The following STX8 variants were observed in gnomAD, a reference collection of about 807,000 sequenced individuals.
STX8 encodes syntaxin 8, also known as syntaxin-8.
In STX8, 23 loss-of-function variants were observed where a neutral mutation model predicts 37.5. The observed-to-expected ratio is 0.61, with a 90% CI of 0.44 to 0.87. The LOEUF (loss-of-function observed/expected upper bound fraction) is 0.87, where lower values mean the gene tolerates loss of function less well. Among genes scored for constraint, STX8 ranks in the 40% least tolerant of loss-of-function variants. The probability of loss-of-function intolerance (pLI) is 0.00; values close to 1 mark genes in which losing one functional copy is unlikely to be tolerated. For synonymous variants in STX8, 115 were observed against 99.1 expected, an observed-to-expected ratio of 1.16 and a Z score of -0.95; for missense variants, 313 against 284.7, an observed-to-expected ratio of 1.10 and a Z score of -0.71.
intron 6 of STX8, among the ~76,000 whole-genome samples, chr17:9,474,992 A>C (rs928670132): frequency 5.3e-5 from 8 of 152,078 alleles, no homozygotes; most frequent in African/African-American, 1.9e-4. Context: ...AACAAACAAA[A>C]AAAACTTGTT....
chr17:9,449,820 G>A (rs1052876308), intron 6 of STX8, among the ~76,000 whole-genome samples: 2 of 151,824 alleles, frequency 1.3e-5, no homozygotes, highest in African/African-American at 4.9e-5. Flanking sequence ...GGGTCTACCT[G>A]TAAAGGGGTT....
intron 7 of STX8, among the ~76,000 whole-genome samples, chr17:9,373,656 G>A (rs992498128): frequency 3.7e-4 from 57 of 152,278 alleles, no homozygotes; most frequent in African/African-American, 1.3e-3. Flanking sequence ...GTTAAAAAAA[G>A]TGGCTGGGCG....
chr17:9,270,545 T>C (rs188276958), intron 7 of STX8, among the ~76,000 whole-genome samples: 4 of 152,228 alleles, frequency 2.6e-5, no homozygotes, highest in East Asian at 3.9e-4. Flanking sequence ...TGAGCAACCG[T>C]GCCCAGTCTC....
At chr17:9,486,919 C>T (rs1339333906) in intron 6 of STX8, among the ~76,000 whole-genome samples, 1 of 152,110 alleles carries the variant, frequency 6.6e-6, no homozygotes, top group Non-Finnish European at 1.5e-5. Flanking sequence ...CCCTCCCACC[C>T]ATAGAGGCCA....
intron 6 of STX8, among the ~76,000 whole-genome samples, chr17:9,420,932 G>A (rs1913401488): frequency 1.3e-5 from 2 of 152,274 alleles, no homozygotes; most frequent in South Asian, 4.2e-4. Flanking sequence ...GGGTGGAAAT[G>A]GAGATGAGTC....
At chr17:9,458,253 C>A (rs1905241035) in intron 6 of STX8, among the ~76,000 whole-genome samples, 2 of 151,894 alleles carry the variant, frequency 1.3e-5, no homozygotes, top group African/African-American at 4.9e-5. Context: ...GGGCTCACGC[C>A]ATTCTCCTGC....
chr17:9,561,664 C>CA (rs11353116), intron 2 of STX8, among the ~76,000 whole-genome samples: 209 of 66,642 alleles, frequency 3.1e-3, no homozygotes, highest in African/African-American at 4.4e-3. Flanking sequence ...TCCATCTGGC[C>CA]AAAAAAAAAA....
chr17:9,468,258 C>T (rs1399346877), intron 6 of STX8, among the ~76,000 whole-genome samples: 5 of 151,906 alleles, frequency 3.3e-5, no homozygotes, highest in Admixed American at 3.3e-4. Flanking sequence ...TACAGGCGTG[C>T]ACCACCGCAC....
At chr17:9,315,115 A>ACC (rs1909337882) in intron 7 of STX8, among the ~76,000 whole-genome samples, 1 of 150,518 alleles carries the variant, frequency 6.6e-6, no homozygotes, top group African/African-American at 2.5e-5. Context: ...AAAAAAAAAA[A>ACC]ACCAACAACA....
intron 5 of STX8, among the ~76,000 whole-genome samples, chr17:9,500,721 G>A (rs1228176843): frequency 6.6e-6 from 1 of 152,184 alleles, no homozygotes; most frequent in Non-Finnish European, 1.5e-5. Context: ...AAGATATGAA[G>A]GCCGGGCGTG....
chr17:9,512,385 C>T (rs1905043936), intron 4 of STX8, among the ~76,000 whole-genome samples: 1 of 151,954 alleles, frequency 6.6e-6, no homozygotes, highest in Non-Finnish European at 1.5e-5. Context: ...TTTTATGATA[C>T]TGACATAAAA....
intron 1 of STX8, 125 bp downstream of exon 1, chr17:9,575,667 G>A: frequency 8.3e-7 from 1 of 1,210,286 alleles, no homozygotes; most frequent in South Asian, 1.4e-5. Context: ...TAAAGGAAAG[G>A]TCTCGCTGCC....
intron 6 of STX8, among the ~76,000 whole-genome samples, chr17:9,476,515 C>T (rs950643050): frequency 6.6e-5 from 10 of 151,508 alleles, no homozygotes; most frequent in African/African-American, 2.2e-4. Context: ...TGCAGTGGCA[C>T]AATCTCGGCT....
intron 4 of STX8, among the ~76,000 whole-genome samples, chr17:9,506,900 C>T (rs985989468): frequency 6.6e-6 from 1 of 152,090 alleles, no homozygotes; most frequent in African/African-American, 2.4e-5. Flanking sequence ...AGCCACTGCA[C>T]CTTTCCAGCA....
rs537424726 is a variant in STX8, at chr17:9,421,166, G to A, written c.542-42513C>T. On this transcript the variant is annotated intron_variant, in intron 6 of 7. Coordinates refer to ENST00000306357, the MANE Select transcript of STX8 (RefSeq NM_004853.3). ...CCAGCACTTTGGGAGGCCGAGGCGG[G>A]CGGATCACCTGAGGTCGGGTGTTTG... is the stretch of plus-strand genomic sequence containing the variant. 1.4e-4 allele frequency among the ~76,000 whole-genome samples: 22 copies of A among 152,144 alleles called. No homozygotes were observed. In the East Asian group the frequency reaches 1.9e-3, roughly 13 times the overall value.
intron 1 of STX8, among the ~76,000 whole-genome samples, chr17:9,571,004 T>C (rs1474054666): frequency 1.3e-5 from 2 of 152,020 alleles, no homozygotes; most frequent in South Asian, 2.1e-4. Context: ...GTGGTGGCCC[T>C]GGAAGCCTGT....
chr17:9,403,804 G>A (rs1404509553), intron 6 of STX8, among the ~76,000 whole-genome samples: 1 of 152,006 alleles, frequency 6.6e-6, no homozygotes, highest in African/African-American at 2.4e-5. Flanking sequence ...CTGCAACCAC[G>A]CCTGGCTAAT....
rs369548710 is a variant in STX8, at chr17:9,556,138, C to G, written c.212+1296G>C. Among the ~76,000 whole-genome samples the G allele has an allele frequency of 2.0e-5, 3 of 152,146 alleles. No homozygotes were observed. The East Asian group carries it at 5.8e-4, about 29-fold the overall frequency. On this transcript the variant is annotated intron_variant, in intron 3 of 7. Transcript: ENST00000306357. Reference sequence around the variant, plus strand: ...GTAATTGAATGTCTAGAAAACCATGCAACTAAGCCAACTTTCCTGGTGATA... The same window carrying G: ...GTAATTGAATGTCTAGAAAACCATGGAACTAAGCCAACTTTCCTGGTGATA...
intron 2 of STX8, among the ~76,000 whole-genome samples, chr17:9,566,192 A>C (rs1907453266): frequency 6.6e-6 from 1 of 152,238 alleles, no homozygotes; most frequent in African/African-American, 2.4e-5. Flanking sequence ...TGCCAAAAAA[A>C]ACAGGAAAAA....
Sources: gnomAD v4.1 joint callset for allele counts (sites outside exome capture counted in the v4.1 genomes callset) on GRCh38, gnomAD v4.1.1 for gene constraint, MANE v1.5 for transcripts, NCBI Gene and HGNC (gene_info 2026-07-23, HGNC 2026-07-21) for gene names.